The following ZNF529 variants were observed in gnomAD, a reference collection of about 807,000 sequenced individuals.
ZNF529 encodes the protein zinc finger protein 529.
A neutral mutation model predicts 10.1 loss-of-function variants in ZNF529; 11 were observed. That is an observed-to-expected ratio of 1.09 (90% CI 0.69 to 1.81). The LOEUF (loss-of-function observed/expected upper bound fraction) is 1.81. Among genes scored for constraint, ZNF529 ranks in the 40% most tolerant of loss-of-function variants. The probability of loss-of-function intolerance (pLI) is 0.00; values close to 1 mark genes in which losing one functional copy is unlikely to be tolerated. For missense variants in ZNF529, 624 were observed against 666.8 expected, an observed-to-expected ratio of 0.94 and a Z score of 0.71; for synonymous variants, 204 against 215.7, an observed-to-expected ratio of 0.95 and a Z score of 0.47.
chr19:36,562,662 C>T (rs138433090), intron 2 of ZNF529, among the ~76,000 whole-genome samples: 2 of 151,468 alleles, frequency 1.3e-5, no homozygotes, highest in South Asian at 2.1e-4. Flanking sequence ...GGTGAAACCC[C>T]GTCTCTACTA....
chr19:36,596,739 C>T (rs2036848835), intron 1 of ZNF529, among the ~76,000 whole-genome samples: 2 of 152,046 alleles, frequency 1.3e-5, no homozygotes, highest in South Asian at 4.1e-4. Flanking sequence ...ATGCTGGTCT[C>T]GAACTCCTGA....
intron 2 of ZNF529, among the ~76,000 whole-genome samples, chr19:36,565,609 G>A (rs2035866253): frequency 5.9e-5 from 9 of 152,132 alleles, no homozygotes; most frequent in Admixed American, 5.9e-4. Context: ...GCTGATGTAG[G>A]AGAATTGCTT....
intron 2 of ZNF529, among the ~76,000 whole-genome samples, chr19:36,567,928 A>C (rs992377541): frequency 1.3e-5 from 2 of 152,220 alleles, no homozygotes; most frequent in African/African-American, 4.8e-5. Context: ...ATGAGCATTT[A>C]ACATCCAGAA....
At chr19:36,552,063 C>T (rs2035281472) in intron 4 of ZNF529, 1 of 152,032 alleles carries the variant, frequency 6.6e-6, no homozygotes, top group African/African-American at 2.4e-5. Context: ...AACTGGAAAA[C>T]AGTTGGTGGC....
At chr19:36,557,363 A>C (rs2145811700) in intron 2 of ZNF529, among the ~76,000 whole-genome samples, 1 of 152,318 alleles carries the variant, frequency 6.6e-6, no homozygotes, top group South Asian at 2.1e-4. Context: ...TAATTTACAA[A>C]GGAAAGAGGC....
At position 36,547,077 on chromosome 19, in the gene ZNF529, G is replaced by GT; in HGVS notation, c.1480dup (p.Thr494AsnfsTer14). 3 of 1,613,842 alleles carry GT rather than the reference G, an allele frequency of 1.9e-6. No homozygotes were observed. The highest frequency in any genetic ancestry group is 2.5e-6 in the Non-Finnish European group (3 of 1,179,914). On this transcript the variant is annotated frameshift_variant, in exon 5 of 5. Coordinates refer to ENST00000591340, the MANE Select transcript of ZNF529 (RefSeq NM_020951.5). LOFTEE classifies it low-confidence loss of function (END_TRUNC). Reference sequence around the variant, plus strand: ...TCCAGTATGAATTCTCTGATGTTCTGTAAGGGCTGAACTATGTCTAAAGGC... The same window carrying GT: ...TCCAGTATGAATTCTCTGATGTTCTGTTAAGGGCTGAACTATGTCTAAAGGC...
At chr19:36,582,531 C>A (rs1240690227) in intron 2 of ZNF529, 1 of 151,724 alleles carries the variant, frequency 6.6e-6, no homozygotes, top group African/African-American at 2.4e-5. Flanking sequence ...TGGTGAAACC[C>A]CATCTCTACT....
intron 2 of ZNF529, among the ~76,000 whole-genome samples, chr19:36,566,537 A>G (rs2035903231): frequency 6.6e-6 from 1 of 151,060 alleles, no homozygotes. Flanking sequence ...AAAATACAAA[A>G]AATTAGCCAG....
At chr19:36,551,625 T>G (rs181083530) in intron 4 of ZNF529, among the ~76,000 whole-genome samples, 72 of 152,320 alleles carry the variant, frequency 4.7e-4, no homozygotes, top group Non-Finnish European at 8.4e-4. Flanking sequence ...TACAAAAGTT[T>G]ACCAAAGAAC....
chr19:36,593,012 ATCC>A (rs964766240), intron 1 of ZNF529, among the ~76,000 whole-genome samples: 5 of 152,290 alleles, frequency 3.3e-5, no homozygotes, highest in East Asian at 1.9e-4. Flanking sequence ...ATTAAATACA[ATCC>A]TCCTATGATA....
At chr19:36,602,460 G>A (rs1321572717) in intron 1 of ZNF529, among the ~76,000 whole-genome samples, 3 of 146,810 alleles carry the variant, frequency 2.0e-5, no homozygotes, top group Admixed American at 6.7e-5. Flanking sequence ...TTTTTTTCGT[G>A]GTCAACTATT....
chr19:36,576,945 CTTTTTCT>C (rs999379207), upstream of ZNF529, among the ~76,000 whole-genome samples: 4 of 150,048 alleles, frequency 2.7e-5, no homozygotes, highest in East Asian at 3.9e-4. Context: ...AGTGATTCTA[CTTTTTCT>C]TTTTTCTTTT....
chr19:36,560,552 G>A (rs2035650140), intron 2 of ZNF529, among the ~76,000 whole-genome samples: 1 of 152,084 alleles, frequency 6.6e-6, no homozygotes, highest in Non-Finnish European at 1.5e-5. Flanking sequence ...TAAAATAAAA[G>A]TTATAAATGT....
In ZNF529 at chr19:36,554,677, G is replaced by A. The variant is rs1600259917; in HGVS notation, c.228C>T (p.Leu76=). 1.3e-6 allele frequency: 2 copies of A among 1,559,668 alleles called. No homozygotes were observed. The highest frequency in any genetic ancestry group is 1.7e-6 in the Non-Finnish European group (2 of 1,150,738). ...DVMMENYSNL[L]SLDLESRNET... is the part of the protein sequence containing the mutation. ...TAAGGCAGATAAATTTACCCAGTGA[G>A]AGTAAGTTGCTGTAGTTCTCCATCA... The change falls in exon 4 of 5, where the codon CTC becomes CTT. Residue 76 remains leucine (L), a synonymous_variant. Transcript: ENST00000591340.
In ZNF529 at chr19:36,551,973, T is replaced by C. The variant is rs555063051; in HGVS notation, c.235+2697A>G. On this transcript the variant is annotated intron_variant, in intron 4 of 4. Coordinates refer to ENST00000591340, the MANE Select transcript of ZNF529 (RefSeq NM_020951.5). ...CATTGTACCGATATCTGTCTCAATG[T>C]AGACCTGAATAAATATTGAGAATAT... is the stretch of plus-strand genomic sequence containing the variant. The C allele has an allele frequency of 4.6e-5, 7 of 152,362 alleles. No homozygotes were observed. In the East Asian group the frequency reaches 9.6e-4, roughly 21 times the overall value. 9.4% of individuals were successfully genotyped at this position (152,362 alleles called of 1,614,324 possible).
Position 36,556,137 on chromosome 19 carries a change from A to G in ZNF529, c.75T>C (p.Pro25=). ...PHAVMPEVEF[P]DQFFTVLTMD... is the part of the protein sequence containing the mutation. ...TGGTTAGAACTGTAAAGAATTGGTC[A>G]GGGAATTCCACTTCTGGCATGACAG... is the stretch of plus-strand genomic sequence containing the variant. Residue 25 remains proline, a synonymous_variant, in exon 3 of 5, where the codon CCT becomes CCC. Coordinates refer to ENST00000591340, the MANE Select transcript of ZNF529 (RefSeq NM_020951.5). 6.5e-7 allele frequency: 1 copy of G among 1,546,480 alleles called. No individual in the cohort carries two copies. Among genetic ancestry groups the G allele is most frequent in the Non-Finnish European group, 8.8e-7 (1 of 1,142,236 alleles).
chr19:36,574,064 G>C (rs1001779362), upstream of ZNF529, among the ~76,000 whole-genome samples: 1 of 152,232 alleles, frequency 6.6e-6, no homozygotes, highest in East Asian at 1.9e-4. Flanking sequence ...TATTTGAAGA[G>C]ACTTATTCTG....
rs2035004136 is a variant in ZNF529 at position 36,546,071 on chromosome 19, A to ATATATATATG, written c.*794_*795insCATATATATA. 1 of 149,094 alleles carries ATATATATATG rather than the reference A, an allele frequency of 6.7e-6. No homozygotes were observed. The highest frequency in any genetic ancestry group is 1.5e-5 in the Non-Finnish European group (1 of 67,210). The allele number at this position is 149,094 out of a possible 1,614,324, so 9.2% of individuals were successfully genotyped here. ...TGTGTGTGTGTGTGTGTATATATAT[A>ATATATATATG]TATATATATAGTGTGTTATGTAGTG... On this transcript the variant is annotated 3_prime_UTR_variant, in exon 5 of 5. Coordinates refer to ENST00000591340, the MANE Select transcript of ZNF529 (RefSeq NM_020951.5).
chr19:36,564,074 C>T (rs184390614), intron 2 of ZNF529, among the ~76,000 whole-genome samples: 1 of 152,296 alleles, frequency 6.6e-6, no homozygotes, highest in Admixed American at 6.5e-5. Flanking sequence ...AAGAATGAAA[C>T]TGCACCCGTA....
Sources: gnomAD v4.1 joint callset for allele counts (sites outside exome capture counted in the v4.1 genomes callset) on GRCh38, gnomAD v4.1.1 for gene constraint, MANE v1.5 for transcripts, NCBI Gene and HGNC (gene_info 2026-07-23, HGNC 2026-07-21) for gene names.